CLPTM1L: variants seen among roughly 807,000 people sequenced by gnomAD.
CLPTM1L encodes the protein CLPTM1 like.
A neutral mutation model predicts 70.9 loss-of-function variants in CLPTM1L; 38 were observed. That is an observed-to-expected ratio of 0.54 (90% CI 0.41 to 0.70). CLPTM1L has a LOEUF of 0.70. CLPTM1L is among the 30% of genes least tolerant of loss of function. CLPTM1L has a pLI of 0.00. For missense variants in CLPTM1L, 652 were observed against 705.9 expected (o/e 0.92, Z 0.87); for synonymous variants, 339 against 299.9 (o/e 1.13, Z -1.35).
chr5:1,342,039 T>TGTGTGTGTGTGTGTGTGTGTGTGTGCGC lies in CLPTM1L; in HGVS notation c.264-180_264-179insGCGCACACACACACACACACACACACAC, dbSNP rs3222913. ...GTGTGTGTGTGTGTGTGTGTGTGTG[T>TGTGTGTGTGTGTGTGTGTGTGTGTGCGC]GCACGCGCACGCGTGCGCGTCCTGA... On this transcript the variant is annotated intron_variant, in intron 2 of 16. Coordinates refer to ENST00000320895, the MANE Select transcript of CLPTM1L (RefSeq NM_030782.5). The surrounding 1 kb of genome is among the most constrained non-coding windows in gnomAD (Gnocchi z 4.3). 6.7e-6 allele frequency among the ~76,000 whole-genome samples: 1 copy of TGTGTGTGTGTGTGTGTGTGTGTGTGCGC among 148,976 alleles called. No individual in the cohort carries two copies. Among genetic ancestry groups the TGTGTGTGTGTGTGTGTGTGTGTGTGCGC allele is most frequent in the Non-Finnish European group, 1.5e-5 (1 of 67,344 alleles).
At chr5:1,344,652 C>A in intron 1 of CLPTM1L, 28 bp downstream of exon 1, 3 of 1,543,750 alleles carry the variant, frequency 1.9e-6, no homozygotes, top group Non-Finnish European at 2.6e-6. Context: ...CCCCAACCCG[C>A]CCGGCCCCCG....
intron 13 of CLPTM1L, 44 bp from the exon 14 acceptor site, chr5:1,321,863 C>G: frequency 3.8e-6 from 6 of 1,573,238 alleles, no homozygotes; most frequent in Non-Finnish European, 5.2e-6. Flanking sequence ...GAGGGCCGGG[C>G]TGCCACATCT....
chr5:1,344,656 GC>G, intron 1 of CLPTM1L, 23 bp downstream of exon 1: 1 of 1,544,416 alleles, frequency 6.5e-7, no homozygotes. Context: ...AACCCGCCCG[GC>G]CCCCGGCCCC....
chr5:1,324,858 A>G, intron 10 of CLPTM1L, 45 bp from the exon 11 acceptor site: 1 of 1,567,242 alleles, frequency 6.4e-7, no homozygotes, highest in Non-Finnish European at 8.8e-7. Context: ...CTCAGGGAGG[A>G]TCTGAGCACA....
chr5:1,335,564 C>G (rs1753525478), intron 5 of CLPTM1L, among the ~76,000 whole-genome samples: 1 of 152,274 alleles, frequency 6.6e-6, no homozygotes, highest in East Asian at 1.9e-4. Flanking sequence ...GAGCCCTGGC[C>G]TGTCCTAAGA....
rs1294586146 is a variant in CLPTM1L, at chr5:1,335,183, G to C, written c.679-9C>G. ...GTGGAGCGGTTTATGACCTGATGAA[G>C]AAAGCCACACTGAGGGCCCTGCCCT... On this transcript the variant is annotated splice_polypyrimidine_tract_variant and intron_variant, in intron 5 of 16. Transcript: ENST00000320895. The C allele has an allele frequency of 6.2e-7, 1 of 1,609,514 alleles. No homozygotes were observed.
At chr5:1,337,783 G>T in intron 5 of CLPTM1L, 121 bp downstream of exon 5, 1 of 813,846 alleles carries the variant, frequency 1.2e-6, no homozygotes, top group Non-Finnish European at 2.0e-6. Context: ...CCCAGCACGG[G>T]TAAAAGCACC....
At chr5:1,323,014 C>T in intron 12 of CLPTM1L, 103 bp from the exon 13 acceptor site, 2 of 1,179,258 alleles carry the variant, frequency 1.7e-6, no homozygotes, top group Admixed American at 1.8e-5. Context: ...CTGAAAATAC[C>T]CAGATGCTCT....
At position 1,318,799 on chromosome 5, in the gene CLPTM1L, C is replaced by G. The variant is rs901520965; in HGVS notation, c.1533-346G>C. On this transcript the variant is annotated intron_variant, in intron 16 of 16. Transcript: ENST00000320895. This position sits in a 1 kb window ranked among gnomAD's most constrained non-coding sequence, Gnocchi z 8.9. The stretch of plus-strand genomic sequence containing the variant: ...ATCACGGAGACTCGAGTGATCAGAA[C>G]AGGAACCGCTGTGTTCAGGGACCAC... Among the ~76,000 whole-genome samples, 1 of 152,172 alleles carries G rather than the reference C, an allele frequency of 6.6e-6. No individual in the cohort carries two copies. The highest frequency in any genetic ancestry group is 2.4e-5 in the African/African-American group (1 of 41,444).
At chr5:1,333,346 C>G (rs1351832519) in intron 7 of CLPTM1L, among the ~76,000 whole-genome samples, 1 of 118,238 alleles carries the variant, frequency 8.5e-6, no homozygotes, top group Admixed American at 1.1e-4. Context: ...TGTATACACA[C>G]CACATGAGGA....
chr5:1,335,821 T>G (rs1190393044), intron 5 of CLPTM1L, among the ~76,000 whole-genome samples: 1 of 152,132 alleles, frequency 6.6e-6, no homozygotes, highest in Non-Finnish European at 1.5e-5. Context: ...AGGAACGGGT[T>G]CACAAGCGCG....
rs760098618 is a variant in CLPTM1L, at chr5:1,335,110, C to T, written c.743G>A (p.Arg248Gln). 2.0e-5 allele frequency: 33 copies of T among 1,613,548 alleles called. No individual in the cohort carries two copies. Among genetic ancestry groups the T allele is most frequent in the Middle Eastern group, 3.3e-4 (2 of 6,082 alleles). ...TVSYDKVSLG[R>Q]LRFWIHMQDA... The stretch of plus-strand genomic sequence containing the variant: ...CTGCATGTGGATCCAGAAGCGCAGC[C>T]GCCCCAGTGAGACCTTGTCGTAGGA... The change falls in exon 6 of 17, where the codon CGG becomes CAG. Residue 248 changes from arginine to glutamine, a missense_variant. Coordinates refer to ENST00000320895, the MANE Select transcript of CLPTM1L (RefSeq NM_030782.5).
At chr5:1,331,733 T>A (rs1753104357) in intron 8 of CLPTM1L, 66 bp downstream of exon 8, 3 of 1,387,392 alleles carry the variant, frequency 2.2e-6, no homozygotes, top group African/African-American at 1.4e-5. Flanking sequence ...GGCAGCCCTC[T>A]ACCGCAGGCT....
chr5:1,326,800 C>T (rs1360583307), intron 9 of CLPTM1L, among the ~76,000 whole-genome samples: 1 of 150,516 alleles, frequency 6.6e-6, no homozygotes, highest in Non-Finnish European at 1.5e-5. Context: ...ACATTTCATC[C>T]AGCTCCTCCC....
intron 11 of CLPTM1L, chr5:1,324,078 C>T (rs1752355513): frequency 1.8e-6 from 1 of 569,656 alleles, no homozygotes. Flanking sequence ...CGCCAGAGCC[C>T]GGGTGTAACT....
intron 9 of CLPTM1L, among the ~76,000 whole-genome samples, chr5:1,328,966 C>G (rs1381500762): frequency 7.2e-5 from 11 of 151,784 alleles, no homozygotes; most frequent in East Asian, 1.9e-4. Flanking sequence ...CCTCTACAGA[C>G]ACATTTCATA....
At chr5:1,337,005 G>A (rs1399178905) in intron 5 of CLPTM1L, among the ~76,000 whole-genome samples, 1 of 152,188 alleles carries the variant, frequency 6.6e-6, no homozygotes, top group African/African-American at 2.4e-5. Context: ...ACAAAAAAGG[G>A]GAAAGGGCCC....
chr5:1,330,698 C>T (rs985167567), intron 8 of CLPTM1L: 1 of 367,306 alleles, frequency 2.7e-6, no homozygotes, highest in South Asian at 5.6e-5. Context: ...TGCTTCCGGG[C>T]GTGTCTTATG....
At chr5:1,333,077 T>C (rs1352444033) in intron 7 of CLPTM1L, among the ~76,000 whole-genome samples, 1 of 112,578 alleles carries the variant, frequency 8.9e-6, no homozygotes, top group East Asian at 2.7e-4. Context: ...GGGGGACTAC[T>C]GTATACACAC....
Sources: allele counts gnomAD v4.1 joint callset (sites outside exome capture counted in the v4.1 genomes callset), GRCh38; gene constraint gnomAD v4.1.1; non-coding constraint Gnocchi (gnomAD v3.1); transcripts MANE v1.5; gene names NCBI Gene and HGNC (gene_info 2026-07-23, HGNC 2026-07-21).